ZRANB3: variants seen among roughly 807,000 people sequenced by gnomAD.
ZRANB3 encodes the protein zinc finger RANBP2-type containing 3, also known as DNA annealing helicase and endonuclease ZRANB3.
In ZRANB3, 125 loss-of-function variants were observed where a neutral mutation model predicts 133.8. The observed-to-expected ratio is 0.93, with a 90% CI of 0.81 to 1.08. ZRANB3 has a LOEUF of 1.08. Among genes scored for constraint, ZRANB3 ranks in the 50% least tolerant of loss-of-function variants. The pLI, the probability that ZRANB3 is intolerant of heterozygous loss-of-function variation, is 0.00. For synonymous variants in ZRANB3, 387 were observed against 432.7 expected (o/e 0.89, Z 1.31); for missense variants, 1,229 against 1,275.5 (o/e 0.96, Z 0.56).
intron 2 of ZRANB3, among the ~76,000 whole-genome samples, chr2:135,399,384 C>T (rs549207074): frequency 2.0e-5 from 3 of 152,056 alleles, no homozygotes; most frequent in South Asian, 2.1e-4. Flanking sequence ...AGTATGCCAT[C>T]GACAAAAATT....
chr2:135,292,160 G>C (rs1681779140), intron 8 of ZRANB3, among the ~76,000 whole-genome samples: 1 of 152,158 alleles, frequency 6.6e-6, no homozygotes. Context: ...AGATCCCTGA[G>C]GAATCACCAC....
chr2:135,383,058 TAA>T (rs1289629975), intron 3 of ZRANB3, among the ~76,000 whole-genome samples: 1 of 151,906 alleles, frequency 6.6e-6, no homozygotes, highest in Non-Finnish European at 1.5e-5. Context: ...GCAAATTGGA[TAA>T]AGAGACAAGA....
At chr2:135,423,490 G>A (rs1409365887) in intron 2 of ZRANB3, among the ~76,000 whole-genome samples, 1 of 152,146 alleles carries the variant, frequency 6.6e-6, no homozygotes, top group Non-Finnish European at 1.5e-5. Context: ...CCAGTCACTG[G>A]ATTTAGGGTT....
Position 135,361,197 on chromosome 2 carries a change from C to A in ZRANB3, c.181-7569G>T, listed in dbSNP as rs146325610. Among the ~76,000 whole-genome samples the A allele has an allele frequency of 1.9e-4, 29 of 152,324 alleles. No homozygotes were observed. The East Asian group carries it at 5.6e-3, about 29-fold the overall frequency. On this transcript the variant is annotated intron_variant, in intron 3 of 20. Transcript: ENST00000264159. Reference sequence around the variant, plus strand: ...ACTACACTCAACATGTGGTTCAAAGCCCTGGGCTCTAACAACAATAGAATT... The same window carrying A: ...ACTACACTCAACATGTGGTTCAAAGACCTGGGCTCTAACAACAATAGAATT...
At chr2:135,340,432 A>G (rs1286312470) in intron 6 of ZRANB3, among the ~76,000 whole-genome samples, 1 of 152,008 alleles carries the variant, frequency 6.6e-6, no homozygotes, top group Non-Finnish European at 1.5e-5. Context: ...CTAGTTTTTC[A>G]TAACTTTCTT....
intron 12 of ZRANB3, among the ~76,000 whole-genome samples, chr2:135,232,675 G>A (rs1215958976): frequency 6.6e-6 from 1 of 152,204 alleles, no homozygotes. Flanking sequence ...CTGATACCCA[G>A]GCAAACAGGG....
At chr2:135,455,615 G>A (rs372967871) in intron 2 of ZRANB3, among the ~76,000 whole-genome samples, 11 of 132,122 alleles carry the variant, frequency 8.3e-5, no homozygotes, top group East Asian at 2.2e-4. Context: ...TTTTTGAGAC[G>A]GAGTCTCACT....
At chr2:135,423,089 C>A (rs1688927210) in intron 2 of ZRANB3, among the ~76,000 whole-genome samples, 1 of 152,172 alleles carries the variant, frequency 6.6e-6, no homozygotes, top group Non-Finnish European at 1.5e-5. Context: ...TCATTCTAAT[C>A]TCTGCCATTC....
chr2:135,253,594 C>A (rs552420711), intron 12 of ZRANB3, among the ~76,000 whole-genome samples: 2 of 152,250 alleles, frequency 1.3e-5, no homozygotes, highest in East Asian at 3.9e-4. Flanking sequence ...GCCTGTTACT[C>A]CTAGACTATA....
At chr2:135,264,670 T>G (rs1680135206) in intron 12 of ZRANB3, among the ~76,000 whole-genome samples, 1 of 151,992 alleles carries the variant, frequency 6.6e-6, no homozygotes, top group Non-Finnish European at 1.5e-5. Context: ...TGCCTTATTT[T>G]AGTGAGGTAG....
chr2:135,409,323 C>G (rs539129324), intron 2 of ZRANB3, among the ~76,000 whole-genome samples: 1 of 152,250 alleles, frequency 6.6e-6, no homozygotes, highest in Admixed American at 6.5e-5. Context: ...TACATTTCAA[C>G]ATGAAATTTG....
At chr2:135,389,877 T>G (rs947829621) in intron 3 of ZRANB3, among the ~76,000 whole-genome samples, 1 of 95,256 alleles carries the variant, frequency 1.0e-5, no homozygotes, top group Non-Finnish European at 1.9e-5. Context: ...GCTGTTATTC[T>G]TTTTTTTTTT....
chr2:135,321,018 T>C (rs1375251032), intron 6 of ZRANB3, among the ~76,000 whole-genome samples: 2 of 152,268 alleles, frequency 1.3e-5, no homozygotes. Flanking sequence ...TTCCAATGTA[T>C]GGCTATATCA....
At chr2:135,313,372 A>ATT in intron 8 of ZRANB3, 117 bp downstream of exon 8, 2 of 576,490 alleles carry the variant, frequency 3.5e-6, no homozygotes, top group Non-Finnish European at 5.8e-6. Context: ...AAAAAAAAAG[A>ATT]GTTAAACAAT....
At chr2:135,483,506 CTTTT>C (rs928084417) in intron 2 of ZRANB3, among the ~76,000 whole-genome samples, 2 of 151,902 alleles carry the variant, frequency 1.3e-5, no homozygotes, top group Admixed American at 6.6e-5. Context: ...ATTCTTCTCT[CTTTT>C]TTTATTAGTA....
At chr2:135,453,843 C>T (rs1690379556) in intron 2 of ZRANB3, among the ~76,000 whole-genome samples, 1 of 152,234 alleles carries the variant, frequency 6.6e-6, no homozygotes, top group Non-Finnish European at 1.5e-5. Context: ...TACCCAGTTC[C>T]AAAGTCACTT....
At chr2:135,360,727 T>A (rs773993214) in intron 3 of ZRANB3, among the ~76,000 whole-genome samples, 5 of 152,124 alleles carry the variant, frequency 3.3e-5, no homozygotes, top group African/African-American at 7.2e-5. Context: ...TAAAATAAAA[T>A]AAAAAATAAA....
chr2:135,325,638 AC>A (rs1683777333), intron 6 of ZRANB3, among the ~76,000 whole-genome samples: 1 of 151,984 alleles, frequency 6.6e-6, no homozygotes, highest in South Asian at 2.1e-4. Context: ...CTCATGATTC[AC>A]CCACCTCAGC....
chr2:135,382,942 A>G (rs1686788278), intron 3 of ZRANB3, among the ~76,000 whole-genome samples: 1 of 152,214 alleles, frequency 6.6e-6, no homozygotes, highest in Non-Finnish European at 1.5e-5. Flanking sequence ...CTAACGAGCA[A>G]AATAATCAGC....
Sources: gnomAD v4.1 joint callset for allele counts (sites outside exome capture counted in the v4.1 genomes callset) on GRCh38, gnomAD v4.1.1 for gene constraint, MANE v1.5 for transcripts, NCBI Gene and HGNC (gene_info 2026-07-23, HGNC 2026-07-21) for gene names.